Variants in CSAD observed in about 807,000 individuals in gnomAD.
CSAD encodes P-selectin cytoplasmic tail-associated protein.
In CSAD, 47 loss-of-function variants were observed where a neutral mutation model predicts 61.5. The observed-to-expected ratio is 0.76, with a 90% CI of 0.60 to 0.97. The LOEUF is 0.97. Ranked by LOEUF, CSAD falls within the 50% of genes least tolerant of loss-of-function variation. CSAD has a pLI of 0.00. For missense variants in CSAD, 611 were observed against 643.6 expected (o/e 0.95, Z 0.55); for synonymous variants, 245 against 252.7 (o/e 0.97, Z 0.29).
At chr12:53,160,453 C>T (rs1939152901) in intron 13 of CSAD, 134 bp from the exon 14 acceptor site, 2 of 900,554 alleles carry the variant, frequency 2.2e-6, no homozygotes, top group Admixed American at 2.2e-5. Flanking sequence ...GGGACGGCTG[C>T]CTGCTGGCTC....
intron 2 of CSAD, among the ~76,000 whole-genome samples, chr12:53,178,714 G>A (rs1369532304): frequency 2.6e-5 from 4 of 152,186 alleles, no homozygotes; most frequent in Admixed American, 6.5e-5. Flanking sequence ...GAACCTGGGA[G>A]GTGGAGGTTG....
intron 4 of CSAD, 158 bp downstream of exon 4, chr12:53,173,187 G>T (rs1040171122): frequency 4.3e-6 from 3 of 702,726 alleles, no homozygotes; most frequent in East Asian, 6.1e-5. Flanking sequence ...CAGCCTGGCC[G>T]ATAGAGCGAG....
Position 53,173,936 on chromosome 12 carries a change from C to T in CSAD, c.-49-166G>A. 7.6e-6 allele frequency: 5 copies of T among 660,768 alleles called. No homozygotes were observed. In the East Asian group the frequency reaches 1.4e-4, roughly 18 times the overall value. 40.9% of individuals were successfully genotyped at this position (660,768 alleles called of 1,614,324 possible). On this transcript the variant is annotated intron_variant, in intron 2 of 16. Coordinates refer to ENST00000444623, the MANE Select transcript of CSAD (RefSeq NM_001244705.2). ...TCAGTAGCAGTCATTTCCCATTCTC[C>T]CCTTCCCCGACCCCTGGCAACTACT... is the stretch of plus-strand genomic sequence containing the variant.
upstream of CSAD, among the ~76,000 whole-genome samples, chr12:53,181,066 C>A (rs965627219): frequency 1.1e-4 from 16 of 152,180 alleles, no homozygotes; most frequent in African/African-American, 3.9e-4. Context: ...TCGGAGGGGA[C>A]GCGGGCGCGA....
At chr12:53,180,930 A>C, upstream of CSAD, 1 of 211,418 alleles carries the variant, frequency 4.7e-6, no homozygotes, top group Non-Finnish European at 5.4e-6. Flanking sequence ...GGGAAGGGGG[A>C]GGGGAGGGGA....
At chr12:53,174,287 G>C (rs571079781) in intron 2 of CSAD, among the ~76,000 whole-genome samples, 1 of 143,128 alleles carries the variant, frequency 7.0e-6, no homozygotes, top group African/African-American at 2.6e-5. Context: ...CAGCCTAGGC[G>C]ACAGAGCGAG....
At chr12:53,169,448 C>T (rs1037771480) in intron 10 of CSAD, among the ~76,000 whole-genome samples, 46 of 150,624 alleles carry the variant, frequency 3.1e-4, no homozygotes, top group Non-Finnish European at 5.8e-4. Context: ...CATTGCACTC[C>T]TGCCTGGGCA....
intron 10 of CSAD, among the ~76,000 whole-genome samples, chr12:53,168,385 T>C (rs1021533242): frequency 6.6e-6 from 1 of 152,190 alleles, no homozygotes; most frequent in African/African-American, 2.4e-5. Context: ...ATATGTTATG[T>C]GAATTATATA....
intron 10 of CSAD, among the ~76,000 whole-genome samples, chr12:53,164,175 T>C (rs1939617408): frequency 6.6e-6 from 1 of 152,174 alleles, no homozygotes; most frequent in Non-Finnish European, 1.5e-5. Context: ...TAGGAGTAAA[T>C]CTTTGTGAGC....
At chr12:53,171,580 AC>A in intron 7 of CSAD, 139 bp from the exon 8 acceptor site, 1 of 788,096 alleles carries the variant, frequency 1.3e-6, no homozygotes, top group Non-Finnish European at 2.0e-6. Context: ...TCAGGATCAT[AC>A]CATCCCAGAA....
Position 53,160,785 on chromosome 12 carries a change from G to A in CSAD, c.944C>T (p.Ala315Val). 2 of 1,551,760 alleles carry A rather than the reference G, an allele frequency of 1.3e-6. No homozygotes were observed. The highest frequency in any genetic ancestry group is 1.7e-6 in the Non-Finnish European group (2 of 1,146,998). ...CACCGAGGTATCCTGGAGAAGAAGT[G>A]CAGAGCATTGCAGGCCTGCTGCGAG... ...KLLAAGLQCSALLLQDTSNLL... is the reference protein window; with the variant it reads ...KLLAAGLQCSVLLLQDTSNLL... The change falls in exon 13 of 17, where the codon GCA becomes GTA. Residue 315 changes from alanine (A) to valine (V), a missense_variant. Physicochemically the swap from Ala to Val is moderately conservative, Grantham distance 64. Transcript: ENST00000444623.
chr12:53,180,139 T>A, intron 1 of CSAD: 1 of 1,266,280 alleles, frequency 7.9e-7, no homozygotes, highest in Non-Finnish European at 1.0e-6. Context: ...AAGGAACGCC[T>A]CTGCGAGAAT....
intron 16 of CSAD, 31 bp downstream of exon 16, chr12:53,159,592 A>G: frequency 6.3e-7 from 1 of 1,582,820 alleles, no homozygotes; most frequent in Admixed American, 1.7e-5. Flanking sequence ...CAGCTCCCTA[A>G]CGGGTAAAGA....
At chr12:53,171,690 C>T in intron 7 of CSAD, 192 bp downstream of exon 7, 1 of 618,682 alleles carries the variant, frequency 1.6e-6, no homozygotes, top group Non-Finnish European at 2.8e-6. Flanking sequence ...AACTAGACCA[C>T]TGACCCCAGG....
chr12:53,177,722 C>T (rs1041603360), intron 2 of CSAD, among the ~76,000 whole-genome samples: 18 of 152,120 alleles, frequency 1.2e-4, no homozygotes, highest in African/African-American at 4.1e-4. Flanking sequence ...CACTGCAACC[C>T]CCGCCTCCCG....
chr12:53,168,180 C>T (rs1423002464), intron 10 of CSAD, among the ~76,000 whole-genome samples: 3 of 152,126 alleles, frequency 2.0e-5, no homozygotes, highest in Non-Finnish European at 4.4e-5. Flanking sequence ...TATACAGACA[C>T]TAAGTAGATT....
chr12:53,180,920 G>T lies in CSAD; in HGVS notation c.-279C>A. The T allele has an allele frequency of 9.1e-7, 1 of 1,094,966 alleles. No individual in the cohort carries two copies. The highest frequency in any genetic ancestry group is 1.9e-5 in the South Asian group (1 of 52,628). 67.8% of individuals were successfully genotyped at this position (1,094,966 alleles called of 1,614,324 possible). ...GCTCGCAAGCCGTGGGGTGCCGCGC[G>T]GGAAGGGGGAGGGGAGGGGAGGAGG... On this transcript the variant is annotated 5_prime_UTR_variant, in exon 1 of 17. Coordinates refer to ENST00000444623, the MANE Select transcript of CSAD (RefSeq NM_001244705.2).
In CSAD at chr12:53,173,729, TC is replaced by T. The variant is rs1940864440; in HGVS notation, c.-9del. On this transcript the variant is annotated splice_region_variant and 5_prime_UTR_variant, in exon 3 of 17. Transcript: ENST00000444623. The stretch of plus-strand genomic sequence containing the variant: ...CACCTAAGGCAGAGACAAGCTTACC[TC>T]TCTGCTCAGGAGAGCCGGAGGCAGG... 3.7e-6 allele frequency: 6 copies of T among 1,608,566 alleles called. No individual in the cohort carries two copies. The highest frequency in any genetic ancestry group is 5.1e-6 in the Non-Finnish European group (6 of 1,175,342).
At position 53,171,933 on chromosome 12, in the gene CSAD, TC is replaced by T; in HGVS notation, c.399del (p.Lys134AsnfsTer27). The T allele has an allele frequency of 6.2e-7, 1 of 1,613,836 alleles. No homozygotes were observed. Among genetic ancestry groups the T allele is most frequent in the Non-Finnish European group, 8.5e-7 (1 of 1,179,900 alleles). On this transcript the variant is annotated frameshift_variant, in exon 7 of 17. Coordinates refer to ENST00000444623, the MANE Select transcript of CSAD (RefSeq NM_001244705.2). LOFTEE classifies it high-confidence loss of function. ...VFVLMEEEVLRKLRALVGWSS... is the reference protein window; with the variant it reads ...VFVLMEEEVLXKLRALVGWSS... ...CTCCAGCCCACCAGGGCCCGCAGTT[TC>T]CTCAGCACCTCCTCTTCCATGAGCA...
Sources: allele counts gnomAD v4.1 joint callset (sites outside exome capture counted in the v4.1 genomes callset), GRCh38; gene constraint gnomAD v4.1.1; transcripts MANE v1.5; gene names NCBI Gene and HGNC (gene_info 2026-07-23, HGNC 2026-07-21).